The following RELN variants were observed in gnomAD, a reference collection of about 807,000 sequenced individuals.
RELN encodes reelin.
Under a neutral mutation model 427.6 loss-of-function variants are expected in RELN, and 108 were observed. That is an observed-to-expected ratio of 0.25 (90% CI 0.22 to 0.30). RELN has a LOEUF of 0.30. Ranked by LOEUF, RELN falls within the 10% of genes least tolerant of loss-of-function variation. The pLI is 1.00. For missense variants in RELN, 3,715 were observed against 4,302.8 expected (o/e 0.86, Z 3.82); for synonymous variants, 1,524 against 1,513.4 (o/e 1.01, Z -0.16).
chr7:103,750,271 C>T (rs1010959688), intron 5 of RELN, among the ~76,000 whole-genome samples: 2 of 152,132 alleles, frequency 1.3e-5, no homozygotes, highest in East Asian at 3.9e-4. Flanking sequence ...AGCCACTGTG[C>T]CCAGCTGAGA....
chr7:103,499,102 CTT>C (rs1439363531), intron 53 of RELN, among the ~76,000 whole-genome samples: 1 of 152,124 alleles, frequency 6.6e-6, no homozygotes, highest in Non-Finnish European at 1.5e-5. Flanking sequence ...GGCAGGGACA[CTT>C]GAAACCAAAT....
rs201026012 is a variant in RELN, at chr7:103,977,310, C to CAAA, written c.226+11818_226+11820dup. Among the ~76,000 whole-genome samples, 370 of 88,234 alleles carry CAAA rather than the reference C, an allele frequency of 4.2e-3. 11 individuals are homozygous for CAAA. The highest frequency in any genetic ancestry group is 0.017 in the African/African-American group (336 of 19,254). 57.9% of individuals were successfully genotyped at this position (88,234 alleles called of 152,430 possible). A position where few individuals can be genotyped will look rare whatever the true frequency, so the allele number is the denominator to read the frequency against. On this transcript the variant is annotated intron_variant, in intron 1 of 64. Coordinates refer to ENST00000428762, the MANE Select transcript of RELN (RefSeq NM_005045.4). Reference sequence around the variant, plus strand: ...TGGGTGACAGAGTGAGACTCTGTCTCAAAAAAAAAAAAAAAAAAAAAAAAA... The same window carrying CAAA: ...TGGGTGACAGAGTGAGACTCTGTCTCAAAAAAAAAAAAAAAAAAAAAAAAAAAA...
intron 26 of RELN, among the ~76,000 whole-genome samples, 167 bp from the exon 27 acceptor site, chr7:103,594,049 T>G (rs1301853170): frequency 6.6e-6 from 1 of 152,200 alleles, no homozygotes; most frequent in African/African-American, 2.4e-5. Context: ...TCCTGATGAT[T>G]CAACAACTGA....
intron 31 of RELN, among the ~76,000 whole-genome samples, chr7:103,567,173 T>C (rs1830772874): frequency 6.6e-6 from 1 of 152,248 alleles, no homozygotes; most frequent in African/African-American, 2.4e-5. Flanking sequence ...GCTGACGCAC[T>C]AGGCAGTAAG....
intron 49 of RELN, among the ~76,000 whole-genome samples, chr7:103,518,505 G>GTTTGTTTTTTTTTTTTTTTT (rs1829625291): frequency 8.7e-6 from 1 of 114,404 alleles, no homozygotes; most frequent in African/African-American, 4.6e-5. Context: ...GGTAATTTAA[G>GTTTGTTTTTTTTTTTTTTTT]TTTTTTTTTT....
intron 11 of RELN, among the ~76,000 whole-genome samples, chr7:103,681,492 T>C (rs1376533733): frequency 2.0e-5 from 3 of 152,136 alleles, no homozygotes; most frequent in Middle Eastern, 3.2e-3. Flanking sequence ...TTATTAATGT[T>C]TTTTTTCAAC....
chr7:103,572,284 A>AC, intron 30 of RELN, 24 bp from the exon 31 acceptor site: 3 of 1,298,452 alleles, frequency 2.3e-6, no homozygotes, highest in Non-Finnish European at 3.4e-6. Context: ...ACTTTAGTTT[A>AC]CTTACAAACA....
chr7:103,559,231 G>A (rs1399915059), intron 36 of RELN, among the ~76,000 whole-genome samples: 2 of 152,162 alleles, frequency 1.3e-5, no homozygotes, highest in African/African-American at 2.4e-5. Context: ...ATTCTAAAAC[G>A]TCTATCCTTT....
chr7:103,718,017 C>A (rs932030648), intron 8 of RELN, among the ~76,000 whole-genome samples: 1 of 152,022 alleles, frequency 6.6e-6, no homozygotes, highest in South Asian at 2.1e-4. Context: ...AATAGAATAC[C>A]TTTTACAAGT....
chr7:103,505,331 C>A lies in RELN; in HGVS notation c.8275-2101G>T, dbSNP rs188616192. ...CATACAGGAGAGCTCCGGCTGGCAT[C>A]TGGTGGGTGCCCCTCTGGGATGAAG... On this transcript the variant is annotated intron_variant, in intron 51 of 64. Transcript: ENST00000428762. 3.2e-3 allele frequency among the ~76,000 whole-genome samples: 490 copies of A among 152,294 alleles called. 2 individuals carry two copies. The highest frequency in any genetic ancestry group is 0.011 in the African/African-American group (467 of 41,558).
chr7:103,776,612 G>A lies in RELN; in HGVS notation c.489C>T (p.His163=). ...GCVNFMATAT[H]RGQVIFKDAL... ...CATCTTTGAAAATAACCTGGCCCCG[G>A]TGTGTTGCTGTAGCCCTGGAAACAA... Residue 163 remains histidine, a synonymous_variant, in exon 4 of 65, where the codon CAC becomes CAT. Transcript: ENST00000428762. 2 of 1,614,068 alleles carry A rather than the reference G, an allele frequency of 1.2e-6. No individual in the cohort carries two copies. The highest frequency in any genetic ancestry group is 1.1e-5 in the South Asian group (1 of 91,084).
intron 53 of RELN, 24 bp from the exon 54 acceptor site, chr7:103,498,276 T>G (rs1828903267): frequency 6.2e-7 from 1 of 1,607,204 alleles, no homozygotes; most frequent in African/African-American, 1.3e-5. Context: ...AAGCCAGATG[T>G]GGTTAAAAAA....
chr7:103,629,753 G>A (rs1832410368), intron 20 of RELN, among the ~76,000 whole-genome samples, 187 bp downstream of exon 20: 1 of 151,916 alleles, frequency 6.6e-6, no homozygotes, highest in African/African-American at 2.4e-5. Flanking sequence ...CATTTTACTT[G>A]TAGACAAACA....
chr7:103,943,268 G>T (rs1197111292), intron 1 of RELN, among the ~76,000 whole-genome samples: 1 of 152,146 alleles, frequency 6.6e-6, no homozygotes, highest in African/African-American at 2.4e-5. Flanking sequence ...TTGGAGATAA[G>T]ATGGGACACC....
In RELN at chr7:103,496,575, A is replaced by G; in HGVS notation, c.9144T>C (p.Ile3048=). The change falls in exon 56 of 65, where the codon ATT becomes ATC. Residue 3048 remains isoleucine (I), a synonymous_variant. Transcript: ENST00000428762. ...GGCTGGGATTGATTTCTGCTCCACC[A>G]ATCAAAATGTTGTCCAGTGCCCACT... is the stretch of plus-strand genomic sequence containing the variant. The part of the protein sequence containing the change: ...RAQWALDNIL[I]GGAEINPSQL... 6.2e-7 allele frequency: 1 copy of G among 1,614,186 alleles called. No homozygotes were observed.
chr7:103,817,937 CAAAAAAA>C (rs71154371), intron 3 of RELN, among the ~76,000 whole-genome samples: 22 of 36,020 alleles, frequency 6.1e-4, no homozygotes, highest in South Asian at 1.2e-3. Context: ...GACTCCATCT[CAAAAAAA>C]AAAAAAAAAA....
At chr7:103,943,819 GC>G (rs1796163020) in intron 1 of RELN, among the ~76,000 whole-genome samples, 1 of 138,692 alleles carries the variant, frequency 7.2e-6, no homozygotes. Context: ...CTGCACTCCA[GC>G]TTGGGGAATG....
At chr7:103,683,575 C>T (rs1833698778) in intron 10 of RELN, among the ~76,000 whole-genome samples, 1 of 152,114 alleles carries the variant, frequency 6.6e-6, no homozygotes, top group South Asian at 2.1e-4. Flanking sequence ...ATCATAACAT[C>T]ATGGCATAAT....
rs1349382300 is a variant in RELN at position 103,540,286 on chromosome 7, G to T, written c.6841C>A (p.Pro2281Thr). The T allele has an allele frequency of 1.9e-6, 3 of 1,614,178 alleles. No homozygotes were observed. The East Asian group carries it at 6.7e-5, about 36-fold the overall frequency. The change falls in exon 44 of 65, where the codon CCC becomes ACC. Residue 2281 changes from proline (P) to threonine (T), a missense_variant. Physicochemically the swap from Pro to Thr is conservative, Grantham distance 38. Around this residue, in one of 4 missense-constraint regions of RELN, gnomAD observed 1,310 missense variants for 1,643.0 expected, o/e 0.80. Coordinates refer to ENST00000428762, the MANE Select transcript of RELN (RefSeq NM_005045.4). ...NVGRYIALEI[P>T]LKARSGSTRL... ...GTAGAACCAGAACGGGCTTTCAAGG[G>T]TATCTCCAGGGCAATGTACCTGCCC... is the stretch of plus-strand genomic sequence containing the variant.
Sources: gnomAD v4.1 joint callset for allele counts (sites outside exome capture counted in the v4.1 genomes callset) on GRCh38, gnomAD v4.1.1 for gene constraint, gnomAD v4.1.1 regional missense constraint, MANE v1.5 for transcripts, NCBI Gene and HGNC (gene_info 2026-07-23, HGNC 2026-07-21) for gene names.